TRIOBP: variants seen among roughly 807,000 people sequenced by gnomAD.
TRIOBP encodes TRIO and F-actin-binding protein.
A neutral mutation model predicts 238.8 loss-of-function variants in TRIOBP; 169 were observed. The observed-to-expected ratio is 0.71, with a 90% confidence interval of 0.62 to 0.80. TRIOBP has a LOEUF of 0.80. TRIOBP is among the 30% of genes least tolerant of loss of function. The pLI, the probability that TRIOBP is intolerant of heterozygous loss-of-function variation, is 0.00. For missense variants in TRIOBP, 2,838 were observed against 3,122.6 expected, an observed-to-expected ratio of 0.91 and a Z score of 2.17; for synonymous variants, 1,150 against 1,274.4, an observed-to-expected ratio of 0.90 and a Z score of 2.08.
chr22:37,710,811 GTCTC>G (rs780641731), intron 4 of TRIOBP, among the ~76,000 whole-genome samples: 3 of 152,206 alleles, frequency 2.0e-5, no homozygotes, highest in Non-Finnish European at 4.4e-5. Flanking sequence ...AGTCCTGGCT[GTCTC>G]TCCCAGGGGC....
chr22:37,711,602 A>AC (rs1569034718), intron 4 of TRIOBP, among the ~76,000 whole-genome samples: 12 of 140,620 alleles, frequency 8.5e-5, no homozygotes, highest in East Asian at 2.1e-4. Flanking sequence ...ACAACAAAAA[A>AC]AAAAAACAAA....
rs1601674415 is a variant in TRIOBP at position 37,774,107 on chromosome 22, A to G, written c.*327A>G. On this transcript the variant is annotated 3_prime_UTR_variant, in exon 24 of 24. Coordinates refer to ENST00000644935, the MANE Select transcript of TRIOBP (RefSeq NM_001039141.3). ...ATATAGATTTTTTTCCTTTTTTTCC[A>G]AAACACTTTATACTTTAAAAAAAAA... 6.9e-6 allele frequency: 1 copy of G among 144,884 alleles called. No individual in the cohort carries two copies. Among genetic ancestry groups the G allele is most frequent in the Non-Finnish European group, 1.5e-5 (1 of 66,970 alleles). 9.0% of individuals were successfully genotyped at this position (144,884 alleles called of 1,614,324 possible).
chr22:37,710,768 G>A (rs571129171), intron 4 of TRIOBP, among the ~76,000 whole-genome samples: 1 of 152,258 alleles, frequency 6.6e-6, no homozygotes, highest in Admixed American at 6.5e-5. Flanking sequence ...ACACCACCCT[G>A]TTTGCACTTC....
At chr22:37,753,012 C>A (rs993185387) in intron 12 of TRIOBP, among the ~76,000 whole-genome samples, 1 of 152,220 alleles carries the variant, frequency 6.6e-6, no homozygotes, top group African/African-American at 2.4e-5. Context: ...CAGTCATAGG[C>A]TAGGCCTGGA....
rs2145822021 is a variant in TRIOBP at position 37,713,313 on chromosome 22, A to T, written c.358A>T (p.Thr120Ser). ...EAVPYLEGLT[T>S]SLCGSCNEDP... ...AGTACCCTATCTGGAGGGCCTGACC[A>T]CTTCCTTGTGTGGCAGCTGCAACGA... Residue 120 changes from threonine to serine, a missense_variant, in exon 5 of 24, where the codon ACT (threonine) becomes TCT (serine). Around this residue, in one of 5 missense-constraint regions of TRIOBP, gnomAD observed 535 missense variants for 537.3 expected, o/e 1.00. Transcript: ENST00000644935. 1 of 1,613,944 alleles carries T rather than the reference A, an allele frequency of 6.2e-7. No homozygotes were observed. The highest frequency in any genetic ancestry group is 2.2e-5 in the East Asian group (1 of 44,860).
chr22:37,746,353 G>A (rs927274028), intron 11 of TRIOBP: 7 of 1,206,090 alleles, frequency 5.8e-6, no homozygotes, highest in Middle Eastern at 3.2e-4. Flanking sequence ...GCGCCGCGGA[G>A]CCCGGCCCGA....
Position 37,759,252 on chromosome 22 carries a change from C to T in TRIOBP, c.6312C>T (p.Gly2104=). 1.9e-6 allele frequency: 3 copies of T among 1,613,044 alleles called. No homozygotes were observed. The highest frequency in any genetic ancestry group is 2.5e-6 in the Non-Finnish European group (3 of 1,179,842). The change falls in exon 17 of 24, where the codon GGC becomes GGT. Residue 2104 remains glycine (G), a synonymous_variant. Transcript: ENST00000644935. ...RSQEDGHIPP[G]YISQEACERS... is the part of the protein sequence containing the mutation. The stretch of plus-strand genomic sequence containing the variant: ...AGGAGGATGGCCACATCCCCCCGGG[C>T]TACATCTCACAGGTAAGGCCGGGGG...
rs906884437 is a variant in TRIOBP, at chr22:37,735,030, T to G, written c.4694T>G (p.Leu1565Arg). 6.2e-7 allele frequency: 1 copy of G among 1,609,162 alleles called. No homozygotes were observed. The highest frequency in any genetic ancestry group is 8.5e-7 in the Non-Finnish European group (1 of 1,176,684). ...PELDWRDLLG[L>R]LRAPGEGVWA... ...CTTGACTGGAGGGATCTGCTTGGCC[T>G]TCTCCGGGCACCAGGAGAGGGGGTC... The change falls in exon 9 of 24, where the codon CTT becomes CGT. Residue 1565 changes from leucine (L) to arginine (R), a missense_variant. Physicochemically the swap from Leu to Arg is moderately radical, Grantham distance 102. This residue lies in a region of TRIOBP where 2,096 missense variants were observed against 2,137.4 expected (regional missense o/e 0.98). Transcript: ENST00000644935.
intron 2 of TRIOBP, among the ~76,000 whole-genome samples, chr22:37,699,264 C>T (rs1922518833): frequency 6.6e-6 from 1 of 152,144 alleles, no homozygotes; most frequent in Non-Finnish European, 1.5e-5. Flanking sequence ...ACGTCGTCCT[C>T]AACTCTGAAA....
intron 11 of TRIOBP, among the ~76,000 whole-genome samples, chr22:37,746,596 C>G (rs1925287302): frequency 6.6e-6 from 1 of 152,238 alleles, no homozygotes; most frequent in Non-Finnish European, 1.5e-5. Context: ...CGGCCTCACC[C>G]TTCCCGCAGG....
Position 37,735,346 on chromosome 22 carries a change from A to G in TRIOBP, c.5010A>G (p.Thr1670=). ...CCCAGTGGCCAAAGATCAAAGTGAC[A>G]AGAGGACCAGCGACCGCAACTCTGG... is the stretch of plus-strand genomic sequence containing the variant. ...TSTQWPKIKV[T]RGPATATLAG... is the part of the protein sequence containing the mutation. Residue 1670 remains threonine, a synonymous_variant, in exon 9 of 24, where the codon ACA becomes ACG. Transcript: ENST00000644935. 1 of 1,613,314 alleles carries G rather than the reference A, an allele frequency of 6.2e-7. No homozygotes were observed. Among genetic ancestry groups the G allele is most frequent in the Non-Finnish European group, 8.5e-7 (1 of 1,179,850 alleles).
At chr22:37,732,044 C>T (rs1402860463) in intron 7 of TRIOBP, among the ~76,000 whole-genome samples, 1 of 152,234 alleles carries the variant, frequency 6.6e-6, no homozygotes, top group African/African-American at 2.4e-5. Flanking sequence ...CTTTTTCAGG[C>T]TTCTCTTCCT....
In TRIOBP at chr22:37,754,937, C is replaced by T; in HGVS notation, c.5440C>T (p.Leu1814=). 6.2e-7 allele frequency: 1 copy of T among 1,614,174 alleles called. No homozygotes were observed. The highest frequency in any genetic ancestry group is 8.5e-7 in the Non-Finnish European group (1 of 1,180,050). The part of the protein sequence containing the change: ...TSQWKKHWFV[L]TDSSLKYYRD... ...GCAGTGGAAGAAACATTGGTTTGTG[C>T]TGACAGATTCAAGTCTCAAATATTA... The change falls in exon 13 of 24, where the codon CTG becomes TTG. Residue 1814 remains leucine (L), a synonymous_variant. Coordinates refer to ENST00000644935, the MANE Select transcript of TRIOBP (RefSeq NM_001039141.3).
At chr22:37,757,206 T>G in intron 15 of TRIOBP, among the ~76,000 whole-genome samples, 1 of 151,776 alleles carries the variant, frequency 6.6e-6, no homozygotes, top group East Asian at 1.9e-4. Flanking sequence ...TATCAAAAAT[T>G]TAAAAAATTA....
rs766155712 is a variant in TRIOBP, at chr22:37,741,010, T to G, written c.5300T>G (p.Leu1767Arg). 7 of 1,561,402 alleles carry G rather than the reference T, an allele frequency of 4.5e-6. No homozygotes were observed. In the South Asian group the frequency reaches 8.3e-5, roughly 18 times the overall value. Reference protein sequence around the residue: ...PTLFNPFLLSLGVLRWRRPDL... With the variant: ...PTLFNPFLLSRGVLRWRRPDL... ...CTGTTCAATCCGTTCCTGCTGTCTC[T>G]GGGGGTCCTCAGGTGGCGAAGGGTA... Residue 1767 changes from leucine to arginine, a missense_variant, in exon 11 of 24, where the codon CTG becomes CGG. By Grantham distance (102) the Leu-to-Arg change is moderately radical. This residue lies in a region of TRIOBP where 2,096 missense variants were observed against 2,137.4 expected (regional missense o/e 0.98). Coordinates refer to ENST00000644935, the MANE Select transcript of TRIOBP (RefSeq NM_001039141.3).
chr22:37,735,143 G>C lies in TRIOBP; in HGVS notation c.4807G>C (p.Asp1603His). The change falls in exon 9 of 24, where the codon GAT becomes CAT. Residue 1603 changes from aspartate (D) to histidine (H), a missense_variant. Asp to His is a moderately conservative substitution (Grantham distance 81, BLOSUM62 -1). Around this residue, in one of 5 missense-constraint regions of TRIOBP, gnomAD observed 2,096 missense variants for 2,137.4 expected, o/e 0.98. Coordinates refer to ENST00000644935, the MANE Select transcript of TRIOBP (RefSeq NM_001039141.3). Reference protein sequence around the residue: ...LPRKDPAGHRDDLARALGPEL... With the variant: ...LPRKDPAGHRHDLARALGPEL... ...CCGCAAGGACCCAGCTGGACACAGG[G>C]ATGACCTGGCCAGGGCTTTAGGGCC... 1 of 1,610,492 alleles carries C rather than the reference G, an allele frequency of 6.2e-7. No homozygotes were observed. Among genetic ancestry groups the C allele is most frequent in the Non-Finnish European group, 8.5e-7 (1 of 1,177,858 alleles).
chr22:37,705,542 T>C (rs926040985), intron 3 of TRIOBP, among the ~76,000 whole-genome samples: 1 of 151,986 alleles, frequency 6.6e-6, no homozygotes, highest in Non-Finnish European at 1.5e-5. Flanking sequence ...TGTGGACATG[T>C]TGAGGACTTA....
Position 37,758,098 on chromosome 22 carries a change from G to C in TRIOBP, c.6173G>C (p.Arg2058Pro), listed in dbSNP as rs9610842. 1.9e-6 allele frequency: 3 copies of C among 1,610,996 alleles called. No individual in the cohort carries two copies. In the African/African-American group the frequency reaches 4.0e-5, roughly 22 times the overall value. ...ALLNQSRGER[R>P]GPPSDGHEAL... Reference sequence around the variant, plus strand: ...CTCAACCAAAGCCGCGGAGAGCGCCGAGGGCCCCCAAGTGACGGCCACGAG... The same window carrying C: ...CTCAACCAAAGCCGCGGAGAGCGCCCAGGGCCCCCAAGTGACGGCCACGAG... The change falls in exon 16 of 24, where the codon CGA becomes CCA. Residue 2058 changes from arginine to proline, a missense_variant. Physicochemically the swap from Arg to Pro is moderately radical, Grantham distance 103. Coordinates refer to ENST00000644935, the MANE Select transcript of TRIOBP (RefSeq NM_001039141.3).
intron 21 of TRIOBP, among the ~76,000 whole-genome samples, chr22:37,770,449 CA>C (rs551177241): frequency 2.7e-5 from 3 of 111,224 alleles, no homozygotes; most frequent in Admixed American, 9.8e-5. Context: ...GACTCCGTCT[CA>C]AAAAAAAAAA....
Sources: gnomAD v4.1 joint callset for allele counts (sites outside exome capture counted in the v4.1 genomes callset) on GRCh38, gnomAD v4.1.1 for gene constraint, gnomAD v4.1.1 regional missense constraint, MANE v1.5 for transcripts, NCBI Gene and HGNC (gene_info 2026-07-23, HGNC 2026-07-21) for gene names.